IKZF1: variants seen among roughly 807,000 people sequenced by gnomAD.
IKZF1 encodes the protein DNA-binding protein Ikaros.
In IKZF1, 10 loss-of-function variants were observed where a neutral mutation model predicts 51.7. The observed-to-expected ratio is 0.19, with a 90% CI of 0.12 to 0.33. The LOEUF is 0.33. Among genes scored for constraint, IKZF1 ranks in the 10% least tolerant of loss-of-function variants. The probability of loss-of-function intolerance (pLI) is 1.00; values close to 1 mark genes in which losing one functional copy is unlikely to be tolerated. For synonymous variants in IKZF1, 280 were observed against 282.3 expected (o/e 0.99, Z 0.08); for missense variants, 484 against 707.5 (o/e 0.68, Z 3.58).
chr7:50,336,812 A>T (rs2153407993), intron 3 of IKZF1, among the ~76,000 whole-genome samples: 1 of 152,278 alleles, frequency 6.6e-6, no homozygotes, highest in East Asian at 1.9e-4. Context: ...ACAGTCTGGA[A>T]GGTAGGGATG....
chr7:50,305,919 G>A (rs1322032044), intron 1 of IKZF1, among the ~76,000 whole-genome samples: 2 of 152,120 alleles, frequency 1.3e-5, no homozygotes, highest in African/African-American at 4.8e-5. Context: ...GGGTGGGGGG[G>A]ACCCACATAG....
At chr7:50,345,132 G>C (rs887797486) in intron 3 of IKZF1, among the ~76,000 whole-genome samples, 1 of 151,988 alleles carries the variant, frequency 6.6e-6, no homozygotes, top group African/African-American at 2.4e-5. Flanking sequence ...TCTTCTCCCA[G>C]CCCATAGGGT....
chr7:50,378,126 G>A (rs1442360702), intron 4 of IKZF1, among the ~76,000 whole-genome samples: 1 of 152,206 alleles, frequency 6.6e-6, no homozygotes, highest in African/African-American at 2.4e-5. Context: ...GCAGATATTT[G>A]TGGGGTTGTA....
At chr7:50,393,751 G>A (rs761596839) in intron 7 of IKZF1, 13 of 232,454 alleles carry the variant, frequency 5.6e-5, no homozygotes, top group African/African-American at 2.9e-4. Context: ...CAGAGCCCAC[G>A]GGCTGCCTCC....
intron 3 of IKZF1, among the ~76,000 whole-genome samples, chr7:50,332,141 G>C (rs1013030601): frequency 1.3e-5 from 2 of 152,302 alleles, no homozygotes; most frequent in Non-Finnish European, 1.5e-5. Context: ...AATGAATTGA[G>C]ACTTGTTCTG....
intron 2 of IKZF1, among the ~76,000 whole-genome samples, chr7:50,326,785 C>T (rs185700378): frequency 7.7e-4 from 117 of 152,294 alleles, no homozygotes; most frequent in Admixed American, 4.4e-3. Context: ...CCTTTGCATG[C>T]GGAGAGGGGA....
chr7:50,400,052 C>G lies in IKZF1; in HGVS notation c.985C>G (p.Pro329Ala). The part of the protein sequence containing the change: ...INYLGAESLR[P>A]LVQTPPGGSE... ...CTACCTGGGGGCCGAGTCCCTGCGC[C>G]CGCTGGTGCAGACGCCCCCGGGCGG... Residue 329 changes from proline (P) to alanine (A), a missense_variant, in exon 8 of 8, where the codon CCG becomes GCG. Pro to Ala is a conservative substitution (Grantham distance 27). This residue lies in a region of IKZF1 where 172 missense variants were observed against 192.7 expected (regional missense o/e 0.89). Coordinates refer to ENST00000331340, the MANE Select transcript of IKZF1 (RefSeq NM_006060.6). This position sits in a 1 kb window ranked among gnomAD's most constrained non-coding sequence, Gnocchi z 5.4. 6.2e-7 allele frequency: 1 copy of G among 1,607,966 alleles called. No homozygotes were observed. The highest frequency in any genetic ancestry group is 8.5e-7 in the Non-Finnish European group (1 of 1,177,664).
intron 4 of IKZF1, among the ~76,000 whole-genome samples, chr7:50,380,106 G>T (rs1466744777): frequency 6.6e-6 from 1 of 152,136 alleles, no homozygotes; most frequent in Non-Finnish European, 1.5e-5. Flanking sequence ...GCGTTCTTGT[G>T]CCCCAGCTCC....
At chr7:50,312,369 G>A (rs140001423) in intron 1 of IKZF1, among the ~76,000 whole-genome samples, 2 of 152,252 alleles carry the variant, frequency 1.3e-5, no homozygotes, top group Admixed American at 6.5e-5. Flanking sequence ...TGTGAACCGT[G>A]CACCCCTATG....
chr7:50,359,584 T>C (rs555802964), intron 3 of IKZF1, among the ~76,000 whole-genome samples: 2 of 152,392 alleles, frequency 1.3e-5, no homozygotes, highest in African/African-American at 4.8e-5. Flanking sequence ...TTTACTGAGC[T>C]GCCTTTTTAA....
chr7:50,377,593 C>G (rs186478686), intron 4 of IKZF1, among the ~76,000 whole-genome samples: 42 of 152,342 alleles, frequency 2.8e-4, no homozygotes, highest in Non-Finnish European at 4.7e-4. Context: ...TTTCTAATAG[C>G]CGGTCACGTT....
In IKZF1 at chr7:50,339,151, T is replaced by C. The variant is rs976211962; in HGVS notation, c.160+11394T>C. ...TGTGCACCACTAGCTTAAATACACT[T>C]TTAATGTCCTGACAGCTGAAATTTG... is the stretch of plus-strand genomic sequence containing the variant. On this transcript the variant is annotated intron_variant, in intron 3 of 7. Coordinates refer to ENST00000331340, the MANE Select transcript of IKZF1 (RefSeq NM_006060.6). Among the ~76,000 whole-genome samples the C allele has an allele frequency of 9.5e-4, 144 of 152,072 alleles. 1 individual carries two copies. The highest frequency in any genetic ancestry group is 3.2e-3 in the African/African-American group (131 of 41,468).
chr7:50,326,210 A>G (rs191063244), intron 2 of IKZF1, among the ~76,000 whole-genome samples: 19 of 152,368 alleles, frequency 1.2e-4, no homozygotes, highest in Non-Finnish European at 2.4e-4. Flanking sequence ...ACAAACAAGG[A>G]CATTTCACAC....
At chr7:50,322,406 T>C (rs76047698) in intron 2 of IKZF1, among the ~76,000 whole-genome samples, 21 of 152,250 alleles carry the variant, frequency 1.4e-4, no homozygotes, top group African/African-American at 5.1e-4. Flanking sequence ...TGGCTTTTTT[T>C]CAAAGCACTG....
intron 1 of IKZF1, among the ~76,000 whole-genome samples, chr7:50,315,246 C>CGGAG (rs1001542896): frequency 3.3e-5 from 5 of 152,006 alleles, no homozygotes; most frequent in Non-Finnish European, 5.9e-5. Context: ...CAAAGGGAGA[C>CGGAG]GGAGGGAGGG....
intron 3 of IKZF1, among the ~76,000 whole-genome samples, chr7:50,365,892 G>T (rs1186125778): frequency 2.0e-5 from 3 of 152,194 alleles, no homozygotes; most frequent in Admixed American, 2.0e-4. Context: ...ATCAATGATA[G>T]ACTGGATAAA....
At chr7:50,314,054 A>C (rs1301821584) in intron 1 of IKZF1, among the ~76,000 whole-genome samples, 2 of 152,266 alleles carry the variant, frequency 1.3e-5, no homozygotes, top group African/African-American at 4.8e-5. Context: ...GCATTTGCTT[A>C]AAAGCAAACC....
chr7:50,311,578 A>G (rs1436469098), intron 1 of IKZF1, among the ~76,000 whole-genome samples: 1 of 152,258 alleles, frequency 6.6e-6, no homozygotes, highest in Admixed American at 6.5e-5. Flanking sequence ...ACTAAATAAA[A>G]TATAGCTTTT....
intron 3 of IKZF1, among the ~76,000 whole-genome samples, chr7:50,373,930 G>A (rs1336760034): frequency 6.6e-6 from 1 of 152,184 alleles, no homozygotes; most frequent in Non-Finnish European, 1.5e-5. Context: ...GTTAGCAGGA[G>A]GCTGCTCAGA....
Sources: gnomAD v4.1 joint callset for allele counts (sites outside exome capture counted in the v4.1 genomes callset) on GRCh38, gnomAD v4.1.1 for gene constraint, gnomAD v4.1.1 regional missense constraint, Gnocchi (gnomAD v3.1) non-coding constraint, MANE v1.5 for transcripts, NCBI Gene and HGNC (gene_info 2026-07-23, HGNC 2026-07-21) for gene names.